Variants in MBNL2 observed in about 807,000 individuals in gnomAD.
MBNL2 encodes muscleblind like splicing regulator 2.
In MBNL2, 17 loss-of-function variants were observed where a neutral mutation model predicts 41.9. The ratio of observed to expected loss-of-function variants is 0.41; its 90% CI spans 0.28 to 0.61. The LOEUF (loss-of-function observed/expected upper bound fraction) is 0.61, where lower values mean the gene tolerates loss of function less well. Among genes scored for constraint, MBNL2 ranks in the 20% least tolerant of loss-of-function variants. MBNL2 has a pLI of 0.35. For synonymous variants in MBNL2, 195 were observed against 182.9 expected (o/e 1.07, Z -0.53); for missense variants, 336 against 505.6 (o/e 0.66, Z 3.22).
chr13:97,150,930 C>T, the MBNL2 span, among the ~76,000 whole-genome samples: 1 of 152,184 alleles, frequency 6.6e-6, no homozygotes, highest in Non-Finnish European at 1.5e-5. Flanking sequence ...AACACAACAT[C>T]CTCCTTTCAG....
chr13:97,266,876 A>G (rs1330006395), intron 1 of MBNL2, among the ~76,000 whole-genome samples: 2 of 152,216 alleles, frequency 1.3e-5, no homozygotes, highest in Non-Finnish European at 2.9e-5. Context: ...ATGGATAATG[A>G]GTTCTTGACT....
upstream of MBNL2, among the ~76,000 whole-genome samples, chr13:97,217,311 G>A (rs2040464216): frequency 6.6e-6 from 1 of 152,130 alleles, no homozygotes; most frequent in African/African-American, 2.4e-5. Flanking sequence ...ATTATGCAAT[G>A]CATGTTCTAG....
At chr13:97,312,928 C>A (rs1489426897) in intron 2 of MBNL2, among the ~76,000 whole-genome samples, 1 of 152,202 alleles carries the variant, frequency 6.6e-6, no homozygotes, top group Non-Finnish European at 1.5e-5. Flanking sequence ...CATACATGTA[C>A]TTACTTGTAA....
intron 2 of MBNL2, among the ~76,000 whole-genome samples, chr13:97,305,068 T>G (rs1401867811): frequency 6.6e-6 from 1 of 152,264 alleles, no homozygotes; most frequent in Non-Finnish European, 1.5e-5. Context: ...CTTCCTTCTT[T>G]TAATTACCAG....
At chr13:97,157,642 A>C in the MBNL2 span, among the ~76,000 whole-genome samples, 112 of 150,628 alleles carry the variant, frequency 7.4e-4, 1 homozygote, top group African/African-American at 2.7e-3. Flanking sequence ...TTCTGCACCT[A>C]TTGAGATAAT....
At chr13:97,347,219 TTTTTGTTTTG>T in intron 5 of MBNL2, 152 bp downstream of exon 5, 1 of 650,348 alleles carries the variant, frequency 1.5e-6, no homozygotes, top group South Asian at 2.1e-5. Flanking sequence ...GTTTTCCCCC[TTTTTGTTTTG>T]TTTTGTTTTC....
intron 2 of MBNL2, among the ~76,000 whole-genome samples, chr13:97,289,921 T>G (rs1032309754): frequency 7.9e-5 from 12 of 152,196 alleles, no homozygotes; most frequent in African/African-American, 2.9e-4. Flanking sequence ...AGAATACAAC[T>G]TAAACTCCAA....
At chr13:97,166,299 C>G in the MBNL2 span, among the ~76,000 whole-genome samples, 2 of 152,198 alleles carry the variant, frequency 1.3e-5, no homozygotes, top group Non-Finnish European at 2.9e-5. Context: ...TATTCATGCA[C>G]TTACAGTAGT....
At chr13:97,238,574 A>AAGCCAAG in intron 1 of MBNL2, among the ~76,000 whole-genome samples, 1 of 152,306 alleles carries the variant, frequency 6.6e-6, no homozygotes, top group East Asian at 1.9e-4. Context: ...TGAGGTGCAG[A>AAGCCAAG]AGCCAAGACA....
chr13:97,361,089 A>AGG (rs1185167915), intron 7 of MBNL2, among the ~76,000 whole-genome samples: 2 of 152,218 alleles, frequency 1.3e-5, no homozygotes, highest in Non-Finnish European at 2.9e-5. Flanking sequence ...AATACAAAAG[A>AGG]GTTCATAAAG....
the MBNL2 span, among the ~76,000 whole-genome samples, chr13:97,188,838 C>A: frequency 1.3e-5 from 2 of 152,122 alleles, no homozygotes; most frequent in Non-Finnish European, 2.9e-5. Context: ...TTCCCCCAAC[C>A]CAGCCCTCAT....
upstream of MBNL2, chr13:97,221,328 G>C (rs2040840041): frequency 6.6e-6 from 1 of 151,854 alleles, no homozygotes; most frequent in Admixed American, 6.6e-5. Context: ...ATATGTTTTT[G>C]AGTTTTTGTT....
At chr13:97,177,034 C>T in the MBNL2 span, among the ~76,000 whole-genome samples, 1 of 152,048 alleles carries the variant, frequency 6.6e-6, no homozygotes, top group South Asian at 2.1e-4. Context: ...GTTATCTTTG[C>T]CATAGAAATA....
In MBNL2 at chr13:97,334,335, A is replaced by G. The variant is rs146790010; in HGVS notation, c.234A>G (p.Gln78=). Residue 78 remains glutamine (Q), a synonymous_variant, in exon 3 of 9, where the codon CAA becomes CAG. Transcript: ENST00000679496. The surrounding 1 kb of genome is among the most constrained non-coding windows in gnomAD (Gnocchi z 5.3). ...YLHPPTHLKT[Q]LEINGRNNLI... is the part of the protein sequence containing the mutation. Reference sequence around the variant, plus strand: ...ACCCTCCGACACACTTAAAAACTCAACTAGAAATTAATGGAAGGAACAATT... The same window carrying G: ...ACCCTCCGACACACTTAAAAACTCAGCTAGAAATTAATGGAAGGAACAATT... 9.3e-6 allele frequency: 15 copies of G among 1,613,690 alleles called. No homozygotes were observed. The African/African-American group carries it at 1.5e-4, about 16-fold the overall frequency.
the MBNL2 span, among the ~76,000 whole-genome samples, chr13:97,210,463 A>G: frequency 6.7e-6 from 1 of 150,120 alleles, no homozygotes; most frequent in Non-Finnish European, 1.5e-5. Context: ...AAAGTGTAGT[A>G]TGTATGTGGA....
At chr13:97,251,272 C>G (rs2046444932) in intron 1 of MBNL2, among the ~76,000 whole-genome samples, 1 of 151,534 alleles carries the variant, frequency 6.6e-6, no homozygotes. Context: ...ATGTTTGTAA[C>G]ATGGAGAAAG....
the MBNL2 span, among the ~76,000 whole-genome samples, chr13:97,214,234 CA>C: frequency 6.6e-6 from 1 of 152,178 alleles, no homozygotes; most frequent in Non-Finnish European, 1.5e-5. Flanking sequence ...GTGATACTCT[CA>C]ATTGGTAGTT....
chr13:97,184,142 G>A, the MBNL2 span, among the ~76,000 whole-genome samples: 1 of 152,100 alleles, frequency 6.6e-6, no homozygotes, highest in African/African-American at 2.4e-5. Context: ...CTTGTTAGGG[G>A]GAGAAAAGAC....
chr13:97,177,905 C>CACCTAGAATT, the MBNL2 span, among the ~76,000 whole-genome samples: 5 of 152,072 alleles, frequency 3.3e-5, no homozygotes, highest in Non-Finnish European at 7.4e-5. Context: ...AATGATTTTC[C>CACCTAGAATT]ACCTAGAATT....
Sources: allele counts gnomAD v4.1 joint callset (sites outside exome capture counted in the v4.1 genomes callset), GRCh38; gene constraint gnomAD v4.1.1; non-coding constraint Gnocchi (gnomAD v3.1); transcripts MANE v1.5; gene names NCBI Gene and HGNC (gene_info 2026-07-23, HGNC 2026-07-21).